Variants in KDR observed in about 807,000 individuals in gnomAD.
The protein encoded by KDR is kinase insert domain receptor.
A neutral mutation model predicts 160.9 loss-of-function variants in KDR; 43 were observed. The observed-to-expected ratio is 0.27, with a 90% confidence interval of 0.21 to 0.34. The LOEUF is 0.34. Among genes scored for constraint, KDR ranks in the 10% least tolerant of loss-of-function variants. The pLI, the probability that KDR is intolerant of heterozygous loss-of-function variation, is 1.00. For missense variants in KDR, 1,469 were observed against 1,666.4 expected (o/e 0.88, Z 2.06); for synonymous variants, 617 against 600.1 (o/e 1.03, Z -0.41).
intron 9 of KDR, among the ~76,000 whole-genome samples, chr4:55,109,606 G>A (rs1290788141): frequency 2.6e-5 from 4 of 152,064 alleles, no homozygotes; most frequent in Non-Finnish European, 4.4e-5. Context: ...AAGGTGCTCT[G>A]GTCAAATAGG....
At position 55,118,747 on chromosome 4, in the gene KDR, T is replaced by TTA; in HGVS notation, c.214_215insTA (p.Gln72LeufsTer6). Reference sequence around the variant, plus strand: ...GCTGCACTCAGTCACCTCCACCCTTTGCTCACTGCCACTCTGATTATTGGG... The same window carrying TTA: ...GCTGCACTCAGTCACCTCCACCCTTTTAGCTCACTGCCACTCTGATTATTGGG... On this transcript the variant is annotated frameshift_variant, in exon 3 of 30. Coordinates refer to ENST00000263923, the MANE Select transcript of KDR (RefSeq NM_002253.4). LOFTEE classifies it high-confidence loss of function. 1 of 1,614,200 alleles carries TTA rather than the reference T, an allele frequency of 6.2e-7. No individual in the cohort carries two copies. Among genetic ancestry groups the TTA allele is most frequent in the Non-Finnish European group, 8.5e-7 (1 of 1,180,042 alleles).
At chr4:55,122,542 T>A (rs1720910665) in intron 1 of KDR, among the ~76,000 whole-genome samples, 1 of 152,174 alleles carries the variant, frequency 6.6e-6, no homozygotes, top group Non-Finnish European at 1.5e-5. Context: ...GTGCATTGAA[T>A]CTGAGGATCC....
rs1720215103 is a variant in KDR, at chr4:55,098,333, C to T, written c.2374-61G>A. 8 of 1,586,506 alleles carry T rather than the reference C, an allele frequency of 5.0e-6. No individual in the cohort carries two copies. The African/African-American group carries it at 8.1e-5, about 16-fold the overall frequency. On this transcript the variant is annotated intron_variant, in intron 16 of 29. Transcript: ENST00000263923. Reference sequence around the variant, plus strand: ...TGTTGTTTGGCTGTTGTTTTGTGTGCTTGTTATTGCTGTTTATTGGAGCCT... The same window carrying T: ...TGTTGTTTGGCTGTTGTTTTGTGTGTTTGTTATTGCTGTTTATTGGAGCCT...
In KDR at chr4:55,087,615, T is replaced by A. The variant is rs1222817406; in HGVS notation, c.3654A>T (p.Ala1218=). The change falls in exon 27 of 30, where the codon GCA becomes GCT. Residue 1218 remains alanine, a synonymous_variant. Transcript: ENST00000263923. ...CDPKFHYDNT[A]GISQYLQNSK... is the part of the protein sequence containing the mutation. ...TAGGCCATATACAGTACCTGATTCC[T>A]GCTGTGTTGTCATAATGGAATTTGG... 1 of 1,614,032 alleles carries A rather than the reference T, an allele frequency of 6.2e-7. No individual in the cohort carries two copies. The highest frequency in any genetic ancestry group is 8.5e-7 in the Non-Finnish European group (1 of 1,179,988).
intron 1 of KDR, among the ~76,000 whole-genome samples, chr4:55,121,753 C>T (rs115400416): frequency 0.023 from 3,529 of 152,228 alleles, 60 homozygotes; most frequent in Middle Eastern, 0.068. Context: ...AAAGACTGTA[C>T]ATTAAAAGCA....
chr4:55,092,580 C>A (rs781401345), intron 22 of KDR, 37 bp downstream of exon 22: 1 of 1,430,070 alleles, frequency 7.0e-7, no homozygotes, highest in Non-Finnish European at 9.9e-7. Flanking sequence ...AACCTGTGAT[C>A]TGAAAAGATA....
intron 7 of KDR, among the ~76,000 whole-genome samples, chr4:55,112,832 T>C (rs1358953486): frequency 1.3e-5 from 2 of 152,072 alleles, no homozygotes; most frequent in Non-Finnish European, 2.9e-5. Context: ...GCCCGGCCTA[T>C]ACATGGATTT....
At chr4:55,105,744 C>A (rs1720430968) in intron 12 of KDR, 88 bp downstream of exon 12, 2 of 844,624 alleles carry the variant, frequency 2.4e-6, no homozygotes, top group African/African-American at 3.3e-5. Context: ...ATGCCACTCA[C>A]ATGAATGGCA....
intron 21 of KDR, 151 bp from the exon 22 acceptor site, chr4:55,092,865 C>A: frequency 1.5e-6 from 1 of 686,386 alleles, no homozygotes; most frequent in Non-Finnish European, 2.7e-6. Context: ...TTCTGTAAAT[C>A]TCCTGAATCC....
chr4:55,098,446 G>A (rs1720217918), intron 16 of KDR, among the ~76,000 whole-genome samples, 174 bp from the exon 17 acceptor site: 1 of 152,118 alleles, frequency 6.6e-6, no homozygotes, highest in South Asian at 2.1e-4. Context: ...GTCCCCCAAA[G>A]GAGCTCAGAA....
In KDR at chr4:55,082,655, T is replaced by C. The variant is rs1196129730; in HGVS notation, c.3663-20A>G. On this transcript the variant is annotated intron_variant, in intron 27 of 29. Coordinates refer to ENST00000263923, the MANE Select transcript of KDR (RefSeq NM_002253.4). ...TACTGACTGCAAAAGAACAAATATT[T>C]ATATTTTAGTGGTGGTATATTTGAC... is the stretch of plus-strand genomic sequence containing the variant. 2 of 1,583,966 alleles carry C rather than the reference T, an allele frequency of 1.3e-6. No homozygotes were observed. The highest frequency in any genetic ancestry group is 8.7e-7 in the Non-Finnish European group (1 of 1,152,896).
rs1350690120 is a variant in KDR, at chr4:55,098,736, G to A, written c.2334C>T (p.Phe778=). The change falls in exon 16 of 30, where the codon TTC becomes TTT. Residue 778 remains phenylalanine, a synonymous_variant. Coordinates refer to ENST00000263923, the MANE Select transcript of KDR (RefSeq NM_002253.4). The stretch of plus-strand genomic sequence containing the variant: ...GTAGGATGATGACAAGAAGTAGCCA[G>A]AAGAACATGGCAATCACCGCCGTGC... ...LVGTAVIAMF[F]WLLLVIILRT... 5 of 1,613,238 alleles carry A rather than the reference G, an allele frequency of 3.1e-6. No individual in the cohort carries two copies. Among genetic ancestry groups the A allele is most frequent in the Non-Finnish European group, 3.4e-6 (4 of 1,179,456 alleles).
intron 27 of KDR, 50 bp from the exon 28 acceptor site, chr4:55,082,685 G>T (rs1015992221): frequency 7.3e-6 from 10 of 1,375,740 alleles, no homozygotes; most frequent in Non-Finnish European, 1.0e-5. Context: ...TTTGACTGCA[G>T]ATCGGCTACC....
At chr4:55,086,327 C>T (rs567574001) in intron 27 of KDR, among the ~76,000 whole-genome samples, 1 of 152,048 alleles carries the variant, frequency 6.6e-6, no homozygotes, top group Non-Finnish European at 1.5e-5. Context: ...CAAACAGCAC[C>T]ACTGACCTTG....
At position 55,098,204 on chromosome 4, in the gene KDR, A is replaced by G; in HGVS notation, c.2442T>C (p.Asp814=). ...CATAAGGCAGTCGTTCACAATGTTC[A>G]TCCAATGGGAGTTCATCTGGATCCA... The part of the protein sequence containing the change: ...IVMDPDELPL[D]EHCERLPYDA... The change falls in exon 17 of 30, where the codon GAT becomes GAC. Residue 814 remains aspartate, a synonymous_variant. Coordinates refer to ENST00000263923, the MANE Select transcript of KDR (RefSeq NM_002253.4). The G allele has an allele frequency of 6.2e-7, 1 of 1,613,988 alleles. No individual in the cohort carries two copies. Among genetic ancestry groups the G allele is most frequent in the Non-Finnish European group, 8.5e-7 (1 of 1,179,882 alleles).
intron 1 of KDR, among the ~76,000 whole-genome samples, chr4:55,121,930 A>AT (rs1645982857): frequency 6.6e-6 from 1 of 152,118 alleles, no homozygotes. Flanking sequence ...TTTAAAAAGT[A>AT]TATGAATATT....
At chr4:55,105,174 T>C (rs2110023585) in intron 12 of KDR, among the ~76,000 whole-genome samples, 190 bp from the exon 13 acceptor site, 1 of 152,250 alleles carries the variant, frequency 6.6e-6, no homozygotes, top group East Asian at 1.9e-4. Flanking sequence ...CCAAACACAT[T>C]ACTTGAAAAT....
intron 29 of KDR, among the ~76,000 whole-genome samples, 187 bp downstream of exon 29, chr4:55,081,769 A>C (rs1046261541): frequency 1.3e-5 from 2 of 152,218 alleles, no homozygotes; most frequent in Non-Finnish European, 2.9e-5. Flanking sequence ...TTTATTTCAG[A>C]TTATTTTTAG....
At chr4:55,092,859 G>A in intron 21 of KDR, 145 bp from the exon 22 acceptor site, 3 of 690,294 alleles carry the variant, frequency 4.3e-6, no homozygotes, top group Non-Finnish European at 5.3e-6. Context: ...TCTATCTTCT[G>A]TAAATCTCCT....
Sources: gnomAD v4.1 joint callset for allele counts (sites outside exome capture counted in the v4.1 genomes callset) on GRCh38, gnomAD v4.1.1 for gene constraint, MANE v1.5 for transcripts, NCBI Gene and HGNC (gene_info 2026-07-23, HGNC 2026-07-21) for gene names.